The following MYO1B variants were observed in gnomAD, a reference collection of about 807,000 sequenced individuals.
MYO1B encodes myosin IB.
Under a neutral mutation model 159.7 loss-of-function variants are expected in MYO1B, and 72 were observed. The ratio of observed to expected loss-of-function variants is 0.45; its 90% CI spans 0.37 to 0.55. The LOEUF (loss-of-function observed/expected upper bound fraction) is 0.55, where lower values mean the gene tolerates loss of function less well. Ranked by LOEUF, MYO1B falls within the 20% of genes least tolerant of loss-of-function variation. The pLI is 0.00. For synonymous variants in MYO1B, 468 were observed against 473.8 expected, an observed-to-expected ratio of 0.99 and a Z score of 0.16; for missense variants, 1,062 against 1,364.8, an observed-to-expected ratio of 0.78 and a Z score of 3.50.
At chr2:191,402,776 C>T (rs1280313546) in intron 24 of MYO1B, 58 bp downstream of exon 24, 8 of 1,309,914 alleles carry the variant, frequency 6.1e-6, no homozygotes, top group Middle Eastern at 1.9e-4. Flanking sequence ...CTAGCACCTA[C>T]TAACCCTGAG....
chr2:191,316,916 A>G (rs1690386755), intron 3 of MYO1B, among the ~76,000 whole-genome samples: 1 of 152,194 alleles, frequency 6.6e-6, no homozygotes, highest in Admixed American at 6.5e-5. Context: ...GAGTCTTTGA[A>G]GATGTATTCA....
At chr2:191,380,556 A>G (rs1225450724) in intron 13 of MYO1B, among the ~76,000 whole-genome samples, 1 of 152,208 alleles carries the variant, frequency 6.6e-6, no homozygotes, top group Non-Finnish European at 1.5e-5. Flanking sequence ...GTGGTTCTTG[A>G]TAAATTTATT....
intron 13 of MYO1B, 44 bp from the exon 14 acceptor site, chr2:191,381,418 T>G: frequency 1.5e-6 from 2 of 1,305,670 alleles, no homozygotes; most frequent in South Asian, 1.2e-5. Context: ...TTGAGAGAGC[T>G]AGTGGCATGG....
In MYO1B at chr2:191,421,323, G is replaced by A. The variant is rs563322378; in HGVS notation, c.3288-2514G>A. Among the ~76,000 whole-genome samples, 3 of 152,192 alleles carry A rather than the reference G, an allele frequency of 2.0e-5. No homozygotes were observed. The South Asian group carries it at 6.2e-4, about 32-fold the overall frequency. ...GACCTCAGGTGATCCGACCACCTCA[G>A]CTTCCCAAAGTGCTGGGATTACTGT... is the stretch of plus-strand genomic sequence containing the variant. On this transcript the variant is annotated intron_variant, in intron 30 of 30. Coordinates refer to ENST00000392318, the MANE Select transcript of MYO1B (RefSeq NM_001130158.3).
chr2:191,397,438 T>A (rs1696186640), intron 21 of MYO1B, among the ~76,000 whole-genome samples: 1 of 151,698 alleles, frequency 6.6e-6, no homozygotes, highest in African/African-American at 2.4e-5. Flanking sequence ...ACAAAGCACA[T>A]CTTGCACCGC....
At chr2:191,383,631 C>A (rs962612841) in intron 15 of MYO1B, among the ~76,000 whole-genome samples, 1 of 150,922 alleles carries the variant, frequency 6.6e-6, no homozygotes, top group African/African-American at 2.4e-5. Flanking sequence ...TGAACACATA[C>A]ATAGACAGCT....
intron 1 of MYO1B, among the ~76,000 whole-genome samples, chr2:191,254,591 A>G (rs1321138198): frequency 6.6e-6 from 1 of 151,758 alleles, no homozygotes; most frequent in Non-Finnish European, 1.5e-5. Flanking sequence ...GTGCAGCCTC[A>G]TACTCCTGGA....
intron 7 of MYO1B, among the ~76,000 whole-genome samples, chr2:191,358,920 A>G (rs1467885393): frequency 1.3e-5 from 2 of 152,248 alleles, no homozygotes; most frequent in Non-Finnish European, 2.9e-5. Flanking sequence ...TCGCTGGCAC[A>G]TAGTGCGTTA....
chr2:191,359,625 G>T (rs1001904932), intron 7 of MYO1B, among the ~76,000 whole-genome samples: 18 of 152,046 alleles, frequency 1.2e-4, no homozygotes, highest in Non-Finnish European at 7.4e-5. Flanking sequence ...GTAGGTTCCA[G>T]AAATACAAAT....
intron 2 of MYO1B, among the ~76,000 whole-genome samples, chr2:191,285,937 C>T (rs17412239): frequency 0.38 from 57,762 of 151,920 alleles, 11,176 homozygotes; most frequent in Middle Eastern, 0.52. Flanking sequence ...GGAAATGGAC[C>T]TGGATGCCAA....
At chr2:191,401,245 A>G (rs1202783641) in intron 23 of MYO1B, among the ~76,000 whole-genome samples, 2 of 152,178 alleles carry the variant, frequency 1.3e-5, no homozygotes, top group Non-Finnish European at 2.9e-5. Context: ...GACAATGGAA[A>G]TGCCTCTAAC....
intron 4 of MYO1B, among the ~76,000 whole-genome samples, chr2:191,330,619 C>T (rs1307981385): frequency 6.6e-6 from 1 of 152,114 alleles, no homozygotes; most frequent in African/African-American, 2.4e-5. Flanking sequence ...GAGAAAATAA[C>T]TTTACAGATG....
At chr2:191,281,856 A>G (rs1482093193) in intron 2 of MYO1B, among the ~76,000 whole-genome samples, 2 of 152,182 alleles carry the variant, frequency 1.3e-5, no homozygotes, top group Non-Finnish European at 2.9e-5. Flanking sequence ...ATCTAGATAT[A>G]GGGGCCTGAG....
intron 6 of MYO1B, among the ~76,000 whole-genome samples, chr2:191,347,524 C>T (rs146681666): frequency 2.6e-4 from 39 of 152,242 alleles, no homozygotes; most frequent in Middle Eastern, 6.8e-3. Flanking sequence ...TATATTTAGT[C>T]TATAGATCAC....
At chr2:191,302,019 T>TCA (rs1452391009) in intron 3 of MYO1B, among the ~76,000 whole-genome samples, 17 of 152,196 alleles carry the variant, frequency 1.1e-4, no homozygotes, top group Admixed American at 9.8e-4. Flanking sequence ...ACCCCACTAC[T>TCA]CTCCTTTGTG....
At chr2:191,404,725 C>CAA (rs1178681979) in intron 24 of MYO1B, among the ~76,000 whole-genome samples, 1 of 152,220 alleles carries the variant, frequency 6.6e-6, no homozygotes, top group African/African-American at 2.4e-5. Flanking sequence ...CTACTGTAGT[C>CAA]TATTAAGTAT....
chr2:191,394,057 G>C (rs1386124066), intron 20 of MYO1B, among the ~76,000 whole-genome samples: 1 of 152,154 alleles, frequency 6.6e-6, no homozygotes, highest in Non-Finnish European at 1.5e-5. Flanking sequence ...ATACATTTTA[G>C]TTTATTATTT....
At chr2:191,346,737 G>A (rs1692592199) in intron 6 of MYO1B, among the ~76,000 whole-genome samples, 1 of 152,210 alleles carries the variant, frequency 6.6e-6, no homozygotes, top group Non-Finnish European at 1.5e-5. Flanking sequence ...GGCAACAAAA[G>A]CAAGCATGTG....
chr2:191,423,152 A>G (rs1446456714), intron 30 of MYO1B, among the ~76,000 whole-genome samples: 3 of 152,206 alleles, frequency 2.0e-5, no homozygotes, highest in South Asian at 2.1e-4. Flanking sequence ...GTGTGTCACT[A>G]GGTGATTTTG....
Sources: gnomAD v4.1 joint callset for allele counts (sites outside exome capture counted in the v4.1 genomes callset) on GRCh38, gnomAD v4.1.1 for gene constraint, MANE v1.5 for transcripts, NCBI Gene and HGNC (gene_info 2026-07-23, HGNC 2026-07-21) for gene names.